SATL1: variants seen among roughly 807,000 people sequenced by gnomAD.
SATL1 encodes spermidine/spermine N(1)-acetyltransferase-like protein 1.
Under a neutral mutation model 51.8 loss-of-function variants are expected in SATL1, and 47 were observed. The ratio of observed to expected loss-of-function variants is 0.91; its 90% CI spans 0.72 to 1.16. The LOEUF (loss-of-function observed/expected upper bound fraction) is 1.16. Ranked by LOEUF, SATL1 falls within the 50% of genes most tolerant of loss-of-function variation. The probability of loss-of-function intolerance (pLI) is 0.00; values close to 1 mark genes in which losing one functional copy is unlikely to be tolerated. For missense variants in SATL1, 520 were observed against 526.4 expected (o/e 0.99, Z 0.12); for synonymous variants, 176 against 182.4 (o/e 0.97, Z 0.28).
At chrX:85,192,307 C>A (rs1312325273) in intron 2 of SATL1, among the ~76,000 whole-genome samples, 1 of 111,391 alleles carries the variant, frequency 9.0e-6, no homozygotes, top group East Asian at 2.8e-4. Flanking sequence ...GCTCAGTAAC[C>A]TACAGGATGA....
intron 2 of SATL1, chrX:85,210,361 G>A (rs1246064142): frequency 1.0e-5 from 1 of 99,936 alleles, no homozygotes; most frequent in African/African-American, 3.7e-5. Context: ...CAAGGACTGG[G>A]TTTGGATTAA....
intron 2 of SATL1, among the ~76,000 whole-genome samples, chrX:85,189,394 C>T (rs746113522): frequency 3.8e-4 from 42 of 111,424 alleles, no homozygotes; most frequent in Middle Eastern, 4.6e-3. Context: ...AATTTTGATG[C>T]GGCAATATGG....
At chrX:85,173,671 C>A (rs1315661877) in intron 2 of SATL1, among the ~76,000 whole-genome samples, 1 of 110,672 alleles carries the variant, frequency 9.0e-6, no homozygotes, top group Non-Finnish European at 1.9e-5. Context: ...AACACTTAAA[C>A]ACACACGTTA....
At chrX:85,135,529 T>C (rs755118800) in intron 2 of SATL1, among the ~76,000 whole-genome samples, 13 of 108,387 alleles carry the variant, frequency 1.2e-4, no homozygotes, top group Non-Finnish European at 2.5e-4. Flanking sequence ...ACTTATAAAA[T>C]AAAATGCATT....
At chrX:85,241,777 T>G (rs940782938) in intron 1 of SATL1, among the ~76,000 whole-genome samples, 4 of 111,972 alleles carry the variant, frequency 3.6e-5, no homozygotes, top group Non-Finnish European at 7.5e-5. Flanking sequence ...GTGAATTCAG[T>G]GATGATGTAG....
intron 2 of SATL1, among the ~76,000 whole-genome samples, chrX:85,120,814 C>T (rs1286818293): frequency 9.0e-6 from 1 of 111,035 alleles, no homozygotes; most frequent in Non-Finnish European, 1.9e-5. Flanking sequence ...CATAGCAAGG[C>T]GTGAAAGACA....
At chrX:85,193,281 C>T (rs1927480631) in intron 2 of SATL1, among the ~76,000 whole-genome samples, 1 of 111,584 alleles carries the variant, frequency 9.0e-6, no homozygotes, top group Non-Finnish European at 1.9e-5. Flanking sequence ...AAGAGGGTAA[C>T]TCACAAGATT....
rs964790666 is a variant in SATL1 at position 85,092,341 on chromosome X, A to G, written c.*50T>C. The G allele has an allele frequency of 8.9e-7, 1 of 1,125,198 alleles. No homozygotes were observed. The highest frequency in any genetic ancestry group is 1.8e-5 in the African/African-American group (1 of 54,990). The allele number at this position is 1,125,198 out of a possible 1,213,427, so 92.7% of individuals were successfully genotyped here. A position where few individuals can be genotyped will look rare whatever the true frequency, so the allele number is the denominator to read the frequency against. Reference sequence around the variant, plus strand: ...GTCAAACTGCTGTTAGACTCAGGTGACAGTCAAATGTTGGAGGCTGTGTTG... The same window carrying G: ...GTCAAACTGCTGTTAGACTCAGGTGGCAGTCAAATGTTGGAGGCTGTGTTG... On this transcript the variant is annotated 3_prime_UTR_variant, in exon 8 of 8. Transcript: ENST00000644105.
chrX:85,198,565 C>A (rs1315530967), intron 2 of SATL1, among the ~76,000 whole-genome samples: 1 of 111,195 alleles, frequency 9.0e-6, no homozygotes, highest in Non-Finnish European at 1.9e-5. Context: ...ATATACATTT[C>A]TCTGATGGTC....
chrX:85,140,232 C>T (rs1051103811), intron 2 of SATL1, among the ~76,000 whole-genome samples: 1 of 112,056 alleles, frequency 8.9e-6, no homozygotes, highest in Non-Finnish European at 1.9e-5. Flanking sequence ...TAAATGACCA[C>T]ATTTTGTTCT....
At chrX:85,147,681 G>A (rs186740794) in intron 2 of SATL1, among the ~76,000 whole-genome samples, 1 of 111,823 alleles carries the variant, frequency 8.9e-6, no homozygotes, top group Non-Finnish European at 1.9e-5. Flanking sequence ...CTGCTGTTCT[G>A]CAGCCACCGC....
At chrX:85,146,955 C>T (rs1308223527) in intron 2 of SATL1, among the ~76,000 whole-genome samples, 1 of 112,544 alleles carries the variant, frequency 8.9e-6, no homozygotes, top group African/African-American at 3.2e-5. Context: ...CTAGGGAGTA[C>T]CAGACAGTGG....
Position 85,239,114 on chromosome X carries a change from AAAATAAAATAAAATG to A in SATL1, c.-435+4459_-435+4473del, listed in dbSNP as rs1186950102. Among the ~76,000 whole-genome samples the A allele has an allele frequency of 1.2e-4, 13 of 111,046 alleles. No individual in the cohort carries two copies. The East Asian group carries it at 3.1e-3, about 26-fold the overall frequency. On this transcript the variant is annotated intron_variant, in intron 1 of 7. Coordinates refer to ENST00000644105, the MANE Select transcript of SATL1 (RefSeq NM_001367857.2). ...GTTAAGTGTTCTTACCACGATTAATAAAATAAAATAAAATGAAATAAAATAAAATAAAATAAGCTG... is the reference window on the plus strand; with the variant it reads ...GTTAAGTGTTCTTACCACGATTAATAAAATAAAATAAAATAAAATAAGCTG...
At chrX:85,166,582 C>T (rs1329047640) in intron 2 of SATL1, among the ~76,000 whole-genome samples, 1 of 111,297 alleles carries the variant, frequency 9.0e-6, no homozygotes, top group Non-Finnish European at 1.9e-5. Flanking sequence ...TGTGATACCA[C>T]CTTACTCCTA....
intron 2 of SATL1, among the ~76,000 whole-genome samples, chrX:85,145,087 G>A (rs1602865407): frequency 9.0e-6 from 1 of 110,869 alleles, no homozygotes; most frequent in Admixed American, 9.6e-5. Context: ...AAGAGATGTG[G>A]CTGAGCTGCC....
chrX:85,093,210 G>C lies in SATL1; in HGVS notation c.1892C>G (p.Ala631Gly). ...TQAYQGLGIGAEMLKRLSQIA... is the reference protein window; with the variant it reads ...TQAYQGLGIGGEMLKRLSQIA... Reference sequence around the variant, plus strand: ...CTGACTTAGCCTCTTCAGCATTTCAGCTCCAATACCTAGGCCTTTTAAATA... The same window carrying C: ...CTGACTTAGCCTCTTCAGCATTTCACCTCCAATACCTAGGCCTTTTAAATA... Residue 631 changes from alanine to glycine, a missense_variant, in exon 7 of 8, where the codon GCT becomes GGT. Around this residue, in one of 3 missense-constraint regions of SATL1, gnomAD observed 488 missense variants for 474.3 expected, o/e 1.03. Coordinates refer to ENST00000644105, the MANE Select transcript of SATL1 (RefSeq NM_001367857.2). 1 of 1,164,704 alleles carries C rather than the reference G, an allele frequency of 8.6e-7. No individual in the cohort carries two copies. Among genetic ancestry groups the C allele is most frequent in the Non-Finnish European group, 1.1e-6 (1 of 870,753 alleles).
intron 2 of SATL1, among the ~76,000 whole-genome samples, chrX:85,125,278 A>G (rs188321629): frequency 9.0e-6 from 1 of 110,591 alleles, no homozygotes; most frequent in East Asian, 2.9e-4. Context: ...GTGAAAAAGT[A>G]CAATAAGTAC....
intron 2 of SATL1, among the ~76,000 whole-genome samples, chrX:85,177,915 C>T (rs1040784099): frequency 9.0e-6 from 1 of 111,126 alleles, no homozygotes; most frequent in Admixed American, 9.6e-5. Flanking sequence ...AAAAAAAATC[C>T]TTCAAAATTG....
chrX:85,118,086 G>GTTTTTTTTTTTTTTTTTTTTTTT (rs780585183), intron 2 of SATL1, among the ~76,000 whole-genome samples: 3 of 38,821 alleles, frequency 7.7e-5, no homozygotes, highest in Admixed American at 3.9e-4. Flanking sequence ...AAAGAACTTA[G>GTTTTTTTTTTTTTTTTTTTTTTT]CTTTTTTTTT....
Sources: gnomAD v4.1 joint callset for allele counts (sites outside exome capture counted in the v4.1 genomes callset) on GRCh38, gnomAD v4.1.1 for gene constraint, gnomAD v4.1.1 regional missense constraint, MANE v1.5 for transcripts, NCBI Gene and HGNC (gene_info 2026-07-23, HGNC 2026-07-21) for gene names.